LRPPRC: variants seen among roughly 807,000 people sequenced by gnomAD.
The protein encoded by LRPPRC is leucine rich pentatricopeptide repeat containing.
In LRPPRC, 120 loss-of-function variants were observed where a neutral mutation model predicts 180.3. The observed-to-expected ratio is 0.67, with a 90% CI of 0.57 to 0.77. The LOEUF is 0.77. LRPPRC is among the 30% of genes least tolerant of loss of function. The pLI is 0.00. For synonymous variants in LRPPRC, 723 were observed against 600.0 expected, an observed-to-expected ratio of 1.21 and a Z score of -3.00; for missense variants, 2,012 against 1,657.2, an observed-to-expected ratio of 1.21 and a Z score of -3.72.
intron 1 of LRPPRC, among the ~76,000 whole-genome samples, chr2:43,988,097 G>A (rs1004157567): frequency 3.3e-5 from 5 of 151,858 alleles, no homozygotes; most frequent in East Asian, 3.9e-4. Flanking sequence ...AAAATAAGCC[G>A]GGCATGGTGG....
chr2:43,987,363 C>T (rs1040644526), intron 1 of LRPPRC, among the ~76,000 whole-genome samples: 8 of 151,704 alleles, frequency 5.3e-5, no homozygotes, highest in Admixed American at 2.6e-4. Context: ...GGGGCCGTGG[C>T]GGGCGCCTAT....
At chr2:43,935,290 T>G (rs1413871671) in intron 23 of LRPPRC, among the ~76,000 whole-genome samples, 1 of 152,226 alleles carries the variant, frequency 6.6e-6, no homozygotes, top group East Asian at 1.9e-4. Flanking sequence ...TTAACAATTG[T>G]ATCTCAATAA....
intron 14 of LRPPRC, among the ~76,000 whole-genome samples, chr2:43,957,177 G>A (rs1014067193): frequency 6.6e-6 from 1 of 152,162 alleles, no homozygotes; most frequent in African/African-American, 2.4e-5. Flanking sequence ...CCAAACCTGT[G>A]TGCATTTCTC....
At chr2:43,987,996 C>T (rs1012838553) in intron 1 of LRPPRC, among the ~76,000 whole-genome samples, 8 of 152,048 alleles carry the variant, frequency 5.3e-5, no homozygotes, top group African/African-American at 1.5e-4. Flanking sequence ...GTAATCCTAG[C>T]ACTTTTGGAG....
In LRPPRC at chr2:43,918,037, T is replaced by A. The variant is rs1671540083; in HGVS notation, c.3136A>T (p.Asn1046Tyr). The A allele has an allele frequency of 6.2e-7, 1 of 1,612,850 alleles. No homozygotes were observed. Among genetic ancestry groups the A allele is most frequent in the Admixed American group, 1.7e-5 (1 of 59,924 alleles). ...QKDILIACRL[N>Y]QKKGAYDIFL... ...CGTATGTGCTTGCCTTTTTTTTGGT[T>A]CAATCGGCAGGCAATCAATATATCT... is the stretch of plus-strand genomic sequence containing the variant. Residue 1046 changes from asparagine to tyrosine, a missense_variant, in exon 29 of 38, where the codon AAC (asparagine) becomes TAC (tyrosine). Physicochemically the swap from Asn to Tyr is moderately radical, Grantham distance 143 (BLOSUM62 -2). Transcript: ENST00000260665.
In LRPPRC at chr2:43,995,834, G is replaced by A. The variant is rs886056063; in HGVS notation, c.114C>T (p.Ser38=). ...PGGPGRLHAA[S]YLPAARAGPV... is the part of the protein sequence containing the mutation. ...GCCCGGCGCGAGCGGCGGGCAGATA[G>A]GAGGCGGCATGCAGCCGGCCCGGGC... The change falls in exon 1 of 38, where the codon TCC becomes TCT. Residue 38 remains serine (S), a synonymous_variant. Transcript: ENST00000260665. 40 of 1,443,918 alleles carry A rather than the reference G, an allele frequency of 2.8e-5. No individual in the cohort carries two copies. The East Asian group carries it at 5.4e-4, about 20-fold the overall frequency. 89.4% of individuals were successfully genotyped at this position (1,443,918 alleles called of 1,614,324 possible). A position where few individuals can be genotyped will look rare whatever the true frequency, so the allele number is the denominator to read the frequency against.
chr2:43,982,546 A>T (rs1330033655), intron 1 of LRPPRC, 112 bp from the exon 2 acceptor site: 5 of 779,044 alleles, frequency 6.4e-6, no homozygotes, highest in Non-Finnish European at 1.1e-5. Flanking sequence ...AAATCACAGT[A>T]CAATACCAAA....
At chr2:43,890,620 G>A (rs577281852) in intron 36 of LRPPRC, among the ~76,000 whole-genome samples, 4 of 152,332 alleles carry the variant, frequency 2.6e-5, no homozygotes, top group African/African-American at 9.6e-5. Flanking sequence ...GGCGGAGGCA[G>A]GACAATGGTG....
intron 32 of LRPPRC, 85 bp from the exon 33 acceptor site, chr2:43,899,690 C>T (rs1395459897): frequency 6.0e-6 from 5 of 838,610 alleles, no homozygotes; most frequent in Non-Finnish European, 1.0e-5. Context: ...ACTTTTATAT[C>T]CACTCATGCT....
rs149268737 is a variant in LRPPRC at position 43,888,201 on chromosome 2, C to G, written c.*399G>C. The G allele has an allele frequency of 4.1e-6, 1 of 241,856 alleles. No individual in the cohort carries two copies. The highest frequency in any genetic ancestry group is 8.1e-6 in the Non-Finnish European group (1 of 123,690). The allele number at this position is 241,856 out of a possible 1,614,324, so 15.0% of individuals were successfully genotyped here. ...AATGGCTGTATCACAGAATATTATG[C>G]GTTAGAAAGTTCACGGTCACTATAC... On this transcript the variant is annotated 3_prime_UTR_variant, in exon 38 of 38. Coordinates refer to ENST00000260665, the MANE Select transcript of LRPPRC (RefSeq NM_133259.4).
chr2:43,955,181 T>C (rs1470359743), intron 14 of LRPPRC, among the ~76,000 whole-genome samples: 1 of 151,964 alleles, frequency 6.6e-6, no homozygotes, highest in Non-Finnish European at 1.5e-5. Flanking sequence ...CAAAAAAGGT[T>C]AGGGCAGCAG....
chr2:43,945,247 C>A (rs1672635196), intron 22 of LRPPRC, 85 bp downstream of exon 22: 4 of 927,324 alleles, frequency 4.3e-6, no homozygotes, highest in Middle Eastern at 2.1e-4. Flanking sequence ...CTTTGCAGGA[C>A]ATGATATCCA....
intron 14 of LRPPRC, among the ~76,000 whole-genome samples, chr2:43,955,474 GAA>G (rs200193004): frequency 0.022 from 2,511 of 115,256 alleles, 47 homozygotes; most frequent in African/African-American, 0.054. Context: ...GTCTCAAAAA[GAA>G]AAAAAAAAAA....
intron 14 of LRPPRC, among the ~76,000 whole-genome samples, chr2:43,955,712 T>C (rs1048277295): frequency 1.3e-5 from 2 of 151,754 alleles, no homozygotes; most frequent in Non-Finnish European, 1.5e-5. Context: ...CACTCTGGCC[T>C]TGGGGACAGA....
At chr2:43,901,941 T>C (rs1670904932) in intron 31 of LRPPRC, 3 of 166,792 alleles carry the variant, frequency 1.8e-5, no homozygotes, top group Admixed American at 1.8e-4. Context: ...CAAAACTTAA[T>C]ATCCCAACAA....
chr2:43,892,809 A>C (rs1163736155), intron 36 of LRPPRC: 2 of 149,944 alleles, frequency 1.3e-5, no homozygotes, highest in African/African-American at 4.9e-5. Context: ...CATAAAATTA[A>C]AAAAAAAAAA....
intron 2 of LRPPRC, among the ~76,000 whole-genome samples, chr2:43,980,757 T>C (rs191789399): frequency 2.0e-4 from 31 of 152,260 alleles, no homozygotes; most frequent in African/African-American, 7.0e-4. Flanking sequence ...AATAAACCAC[T>C]TAGTATGATT....
At chr2:43,954,374 T>C (rs181351776) in intron 14 of LRPPRC, among the ~76,000 whole-genome samples, 27 of 152,350 alleles carry the variant, frequency 1.8e-4, no homozygotes, top group African/African-American at 5.5e-4. Flanking sequence ...GTTAGGAAGA[T>C]GCAAATTGAA....
intron 35 of LRPPRC, 142 bp from the exon 36 acceptor site, chr2:43,894,771 G>A: frequency 3.2e-6 from 2 of 624,882 alleles, no homozygotes; most frequent in Non-Finnish European, 5.8e-6. Flanking sequence ...ATTGTCCCTT[G>A]TATATTAGCA....
Sources: gnomAD v4.1 joint callset for allele counts (sites outside exome capture counted in the v4.1 genomes callset) on GRCh38, gnomAD v4.1.1 for gene constraint, MANE v1.5 for transcripts, NCBI Gene and HGNC (gene_info 2026-07-23, HGNC 2026-07-21) for gene names.